RAB6A: variants seen among roughly 807,000 people sequenced by gnomAD.
RAB6A encodes the protein ras-related protein Rab-6A.
RAB6A carries 8 observed loss-of-function variants against 32.3 expected under a neutral mutation model. The ratio of observed to expected loss-of-function variants is 0.25; its 90% CI spans 0.15 to 0.45. The LOEUF (loss-of-function observed/expected upper bound fraction) is 0.45, where lower values mean the gene tolerates loss of function less well. RAB6A is among the 20% of genes least tolerant of loss of function. The pLI, the probability that RAB6A is intolerant of heterozygous loss-of-function variation, is 1.00. For synonymous variants in RAB6A, 73 were observed against 82.1 expected (o/e 0.89, Z 0.60); for missense variants, 104 against 249.4 (o/e 0.42, Z 3.93).
At chr11:73,719,942 C>T (rs1475100972) in intron 3 of RAB6A, among the ~76,000 whole-genome samples, 1 of 150,496 alleles carries the variant, frequency 6.6e-6, no homozygotes, top group Non-Finnish European at 1.5e-5. Context: ...AAATGACATG[C>T]TATATATCAA....
intron 1 of RAB6A, among the ~76,000 whole-genome samples, chr11:73,745,331 T>C (rs1298509973): frequency 6.6e-6 from 1 of 152,216 alleles, no homozygotes; most frequent in Admixed American, 6.5e-5. Context: ...CTTCACCAAG[T>C]AGACTTCATT....
intron 6 of RAB6A, among the ~76,000 whole-genome samples, chr11:73,682,380 T>G (rs745458048): frequency 6.6e-6 from 1 of 152,110 alleles, no homozygotes; most frequent in Non-Finnish European, 1.5e-5. Context: ...AAAAAATAAG[T>G]AGGCCGAGCA....
intron 6 of RAB6A, among the ~76,000 whole-genome samples, chr11:73,698,446 C>T (rs1053697500): frequency 6.6e-6 from 1 of 152,138 alleles, no homozygotes; most frequent in Non-Finnish European, 1.5e-5. Flanking sequence ...AATGAATATA[C>T]TTATCTACTT....
chr11:73,736,851 T>C (rs1590878014), intron 1 of RAB6A, among the ~76,000 whole-genome samples: 1 of 125,460 alleles, frequency 8.0e-6, no homozygotes, highest in Non-Finnish European at 1.7e-5. Context: ...TGGTGGTACA[T>C]ACTGTTGTCC....
chr11:73,753,099 A>T (rs564828111), intron 1 of RAB6A, among the ~76,000 whole-genome samples: 60 of 152,164 alleles, frequency 3.9e-4, no homozygotes, highest in African/African-American at 1.4e-3. Context: ...AATTTTTTTT[A>T]ATCAGCCGAG....
At chr11:73,731,871 A>G (rs1480788017) in intron 1 of RAB6A, among the ~76,000 whole-genome samples, 1 of 150,390 alleles carries the variant, frequency 6.6e-6, no homozygotes, top group African/African-American at 2.5e-5. Context: ...CCTCCCAAAT[A>G]GCTGGGACTA....
chr11:73,749,191 A>G (rs1946638653), intron 1 of RAB6A, among the ~76,000 whole-genome samples: 1 of 152,182 alleles, frequency 6.6e-6, no homozygotes. Flanking sequence ...ATAAAAAGGA[A>G]CGAAGTAATG....
At chr11:73,754,884 C>A (rs1302231168) in intron 1 of RAB6A, among the ~76,000 whole-genome samples, 2 of 148,792 alleles carry the variant, frequency 1.3e-5, no homozygotes, top group African/African-American at 4.9e-5. Flanking sequence ...GGGATGCAGT[C>A]AAAAAAAAAA....
intron 2 of RAB6A, among the ~76,000 whole-genome samples, chr11:73,727,429 G>GA (rs35146058): frequency 0.49 from 69,800 of 143,260 alleles, 17,788 homozygotes; most frequent in East Asian, 0.59. Flanking sequence ...CTATCTCTTG[G>GA]AAAAAAAAAA....
chr11:73,688,022 T>G (rs557584372), intron 6 of RAB6A, among the ~76,000 whole-genome samples: 2 of 152,334 alleles, frequency 1.3e-5, no homozygotes, highest in East Asian at 3.9e-4. Flanking sequence ...CACCTTATGC[T>G]GGTTTGTGCC....
intron 6 of RAB6A, among the ~76,000 whole-genome samples, chr11:73,693,712 C>T (rs114231015): frequency 0.024 from 3,624 of 151,954 alleles, 149 homozygotes; most frequent in African/African-American, 0.083. Context: ...AGTGAGACCT[C>T]GTCTCTACTA....
intron 1 of RAB6A, among the ~76,000 whole-genome samples, chr11:73,734,271 G>A (rs559606169): frequency 6.6e-5 from 10 of 151,976 alleles, no homozygotes; most frequent in Non-Finnish European, 8.8e-5. Flanking sequence ...GATTACAGGC[G>A]CCCGCCACCA....
chr11:73,682,428 C>T (rs2134864967), intron 6 of RAB6A, among the ~76,000 whole-genome samples: 1 of 152,308 alleles, frequency 6.6e-6, no homozygotes, highest in East Asian at 1.9e-4. Context: ...CTTTGAGAGG[C>T]TGAGGCGGGT....
chr11:73,696,017 C>T lies in RAB6A; in HGVS notation c.495+11403G>A, dbSNP rs114279167. ...AATCACTATGACTACCAGTTCTTAC[C>T]TTATGAAGTTAACTAAGTAGTTTAT... On this transcript the variant is annotated intron_variant, in intron 6 of 7. Transcript: ENST00000336083. Among the ~76,000 whole-genome samples the T allele has an allele frequency of 7.1e-4, 108 of 152,226 alleles. 1 individual carries two copies. Among genetic ancestry groups the T allele is most frequent in the Middle Eastern group, 3.4e-3 (1 of 294 alleles).
At chr11:73,711,002 T>G (rs769806800) in intron 5 of RAB6A, among the ~76,000 whole-genome samples, 66 of 152,196 alleles carry the variant, frequency 4.3e-4, no homozygotes, top group Admixed American at 9.8e-4. Context: ...TGGCCACTCA[T>G]GGGCCCACTA....
chr11:73,687,023 T>A (rs1945468682), intron 6 of RAB6A, among the ~76,000 whole-genome samples: 1 of 151,932 alleles, frequency 6.6e-6, no homozygotes, highest in South Asian at 2.1e-4. Context: ...AGTATATCCA[T>A]AAAATGCAGT....
intron 5 of RAB6A, among the ~76,000 whole-genome samples, chr11:73,710,514 G>A (rs1945939434): frequency 6.6e-6 from 1 of 151,774 alleles, no homozygotes. Context: ...AAGGCGGGTG[G>A]ATCATTTGAG....
intron 1 of RAB6A, among the ~76,000 whole-genome samples, chr11:73,731,715 TATATATATATATATATACAC>T (rs1468943478): frequency 0.047 from 916 of 19,304 alleles, 57 homozygotes; most frequent in African/African-American, 0.13. Flanking sequence ...TATATATATA[TATATATATATATATATACAC>T]ACACACACAC....
intron 1 of RAB6A, among the ~76,000 whole-genome samples, chr11:73,731,719 TATATATATATATAC>T (rs1293921384): frequency 0.048 from 525 of 11,006 alleles, 16 homozygotes; most frequent in Non-Finnish European, 0.076. Flanking sequence ...TATATATATA[TATATATATATATAC>T]ACACACACAC....
Sources: allele counts gnomAD v4.1 joint callset (sites outside exome capture counted in the v4.1 genomes callset), GRCh38; gene constraint gnomAD v4.1.1; transcripts MANE v1.5; gene names NCBI Gene and HGNC (gene_info 2026-07-23, HGNC 2026-07-21).